ZNF69: variants seen among roughly 807,000 people sequenced by gnomAD.
ZNF69 encodes the protein ZNF3.
Under a neutral mutation model 50.9 loss-of-function variants are expected in ZNF69, and 47 were observed. The observed-to-expected ratio is 0.92, with a 90% CI of 0.73 to 1.18. ZNF69 has a LOEUF of 1.18. Among genes scored for constraint, ZNF69 ranks in the 50% most tolerant of loss-of-function variants. The probability of loss-of-function intolerance (pLI) is 0.00; values close to 1 mark genes in which losing one functional copy is unlikely to be tolerated. For missense variants in ZNF69, 717 were observed against 675.1 expected, an observed-to-expected ratio of 1.06 and a Z score of -0.69; for synonymous variants, 216 against 223.1, an observed-to-expected ratio of 0.97 and a Z score of 0.29.
At chr19:11,894,148 CTCCTT>C (rs1977164489) in intron 1 of ZNF69, among the ~76,000 whole-genome samples, 1 of 152,166 alleles carries the variant, frequency 6.6e-6, no homozygotes, top group South Asian at 2.1e-4. Flanking sequence ...TATGCATCTC[CTCCTT>C]TCATCTATCC....
the ZNF69 span, chr19:11,979,659 C>G: frequency 6.2e-7 from 1 of 1,604,228 alleles, no homozygotes; most frequent in East Asian, 2.2e-5. Context: ...GCCTTCAGAT[C>G]TGCCTCAATC....
At chr19:11,962,761 G>C in the ZNF69 span, among the ~76,000 whole-genome samples, 1 of 152,124 alleles carries the variant, frequency 6.6e-6, no homozygotes, top group Non-Finnish European at 1.5e-5. Flanking sequence ...TGGGATTCTA[G>C]GACACTAGGT....
the ZNF69 span, chr19:11,949,150 T>C: frequency 6.2e-7 from 1 of 1,612,516 alleles, no homozygotes; most frequent in East Asian, 2.2e-5. Flanking sequence ...TTCTGCCAAG[T>C]CATTTCAAAC....
the ZNF69 span, among the ~76,000 whole-genome samples, chr19:11,938,227 C>A: frequency 6.6e-6 from 1 of 152,062 alleles, no homozygotes; most frequent in Non-Finnish European, 1.5e-5. Context: ...CACCACCACA[C>A]CTGGCTGATT....
At chr19:11,980,116 A>C in the ZNF69 span, 1 of 862,990 alleles carries the variant, frequency 1.2e-6, no homozygotes, top group Non-Finnish European at 1.8e-6. Flanking sequence ...ACCTTCGAAA[A>C]CATGGTAGGA....
chr19:11,980,005 C>G, the ZNF69 span: 5 of 1,157,224 alleles, frequency 4.3e-6, no homozygotes, highest in Non-Finnish European at 6.4e-6. Flanking sequence ...GTGGGAAAGC[C>G]TTTATTTCTT....
chr19:11,929,399 G>A, the ZNF69 span, among the ~76,000 whole-genome samples: 1 of 148,278 alleles, frequency 6.7e-6, no homozygotes, highest in Non-Finnish European at 1.5e-5. Flanking sequence ...CTGTCCTCAA[G>A]TGATCCACCC....
chr19:11,909,590 C>T (rs1239584214), downstream of ZNF69, among the ~76,000 whole-genome samples: 1 of 152,150 alleles, frequency 6.6e-6, no homozygotes, highest in African/African-American at 2.4e-5. Flanking sequence ...TGAATAGATG[C>T]AGAAAAGGCC....
At chr19:11,921,750 G>A in the ZNF69 span, among the ~76,000 whole-genome samples, 1 of 151,864 alleles carries the variant, frequency 6.6e-6, no homozygotes, top group Non-Finnish European at 1.5e-5. Context: ...TGATCCACCT[G>A]CCTCGACCTC....
At chr19:11,976,249 T>C in the ZNF69 span, among the ~76,000 whole-genome samples, 1 of 151,504 alleles carries the variant, frequency 6.6e-6, no homozygotes, top group African/African-American at 2.4e-5. Flanking sequence ...TTCATAGGAC[T>C]CTATTACGAC....
At position 11,905,181 on chromosome 19, in the gene ZNF69, A is replaced by G. The variant is rs759170984; in HGVS notation, c.784A>G (p.Thr262Ala). 1 of 1,614,088 alleles carries G rather than the reference A, an allele frequency of 6.2e-7. No individual in the cohort carries two copies. The highest frequency in any genetic ancestry group is 1.1e-5 in the South Asian group (1 of 91,076). Residue 262 changes from threonine (T) to alanine (A), a missense_variant, in exon 4 of 4, where the codon ACC (threonine) becomes GCC (alanine). Thr to Ala is a moderately conservative substitution (Grantham distance 58). Coordinates refer to ENST00000429654, the MANE Select transcript of ZNF69 (RefSeq NM_001364730.1). ...TGGTAAATCCTTTAGTTATTCTGCT[A>G]CCCTTCGAATACACGAAAGAACTCA... ...QCGKSFSYSATLRIHERTHTG... is the reference protein window; with the variant it reads ...QCGKSFSYSAALRIHERTHTG...
At chr19:11,971,169 GGTT>G in the ZNF69 span, among the ~76,000 whole-genome samples, 64 of 152,274 alleles carry the variant, frequency 4.2e-4, no homozygotes, top group Non-Finnish European at 4.3e-4. Flanking sequence ...CAGTTCTTGA[GGTT>G]GTGAAGTCCA....
At chr19:11,979,450 AAGAC>A in the ZNF69 span, 1 of 1,605,626 alleles carries the variant, frequency 6.2e-7, no homozygotes, top group Admixed American at 1.7e-5. Flanking sequence ...ACTCTGGAGA[AAGAC>A]CTTATAAATG....
the ZNF69 span, among the ~76,000 whole-genome samples, chr19:11,939,617 C>T: frequency 2.0e-5 from 3 of 152,140 alleles, no homozygotes; most frequent in East Asian, 3.9e-4. Context: ...CATGCTGTTG[C>T]GCCTGGCTAA....
chr19:11,975,689 A>T, the ZNF69 span, among the ~76,000 whole-genome samples: 1 of 152,028 alleles, frequency 6.6e-6, no homozygotes, highest in African/African-American at 2.4e-5. Context: ...GGCCTTTAAG[A>T]TGTTACTTTC....
intron 1 of ZNF69, among the ~76,000 whole-genome samples, chr19:11,893,204 A>C (rs1042886116): frequency 1.4e-4 from 21 of 152,220 alleles, no homozygotes; most frequent in African/African-American, 3.9e-4. Context: ...ATTAAGCATA[A>C]ATTTTGTTTC....
At chr19:11,921,330 C>A in the ZNF69 span, among the ~76,000 whole-genome samples, 2 of 151,986 alleles carry the variant, frequency 1.3e-5, no homozygotes, top group Non-Finnish European at 2.9e-5. Context: ...CCACTATGCC[C>A]GGCTGTTTTT....
At chr19:11,931,796 CT>C in the ZNF69 span, among the ~76,000 whole-genome samples, 2 of 148,124 alleles carry the variant, frequency 1.4e-5, 1 homozygote, top group African/African-American at 5.3e-5. Flanking sequence ...CTTCTTGAGA[CT>C]TTTTTGGACT....
chr19:11,912,181 C>T (rs1283662756), intron 4 of ZNF69, among the ~76,000 whole-genome samples: 1 of 152,036 alleles, frequency 6.6e-6, no homozygotes, highest in African/African-American at 2.4e-5. Flanking sequence ...AGGACACACA[C>T]TGGAGAGAAA....
Sources: allele counts gnomAD v4.1 joint callset (sites outside exome capture counted in the v4.1 genomes callset), GRCh38; gene constraint gnomAD v4.1.1; transcripts MANE v1.5; gene names NCBI Gene and HGNC (gene_info 2026-07-23, HGNC 2026-07-21).